ZPLD1: variants seen among roughly 807,000 people sequenced by gnomAD.
ZPLD1 encodes zona pellucida like domain containing 1, also known as zona pellucida-like domain-containing protein 1.
In ZPLD1, 34 loss-of-function variants were observed where a neutral mutation model predicts 47.2. That is an observed-to-expected ratio of 0.72 (90% CI 0.55 to 0.96). The LOEUF (loss-of-function observed/expected upper bound fraction) is 0.96, where lower values mean the gene tolerates loss of function less well. Among genes scored for constraint, ZPLD1 ranks in the 40% least tolerant of loss-of-function variants. The probability of loss-of-function intolerance (pLI) is 0.00; values close to 1 mark genes in which losing one functional copy is unlikely to be tolerated. For synonymous variants in ZPLD1, 176 were observed against 186.2 expected, an observed-to-expected ratio of 0.95 and a Z score of 0.45; for missense variants, 512 against 505.8, an observed-to-expected ratio of 1.01 and a Z score of -0.12.
upstream of ZPLD1, among the ~76,000 whole-genome samples, chr3:102,431,384 G>GT (rs1707014019): frequency 1.3e-5 from 2 of 151,936 alleles, no homozygotes; most frequent in African/African-American, 4.8e-5. Flanking sequence ...TACATGGTGT[G>GT]TTTTTTTCTT....
intron 8 of ZPLD1, among the ~76,000 whole-genome samples, chr3:102,423,864 C>T (rs1412277777): frequency 6.6e-6 from 1 of 152,150 alleles, no homozygotes; most frequent in African/African-American, 2.4e-5. Flanking sequence ...AGCGTGCTAG[C>T]CATGGAAAGG....
intron 8 of ZPLD1, among the ~76,000 whole-genome samples, chr3:102,426,920 C>A (rs918444058): frequency 1.4e-4 from 21 of 152,062 alleles, no homozygotes; most frequent in African/African-American, 4.6e-4. Flanking sequence ...TTACTTATGG[C>A]AATAATGCAA....
At chr3:102,477,136 A>C in intron 11 of ZPLD1, 95 bp downstream of exon 11, 1 of 1,404,862 alleles carries the variant, frequency 7.1e-7, no homozygotes, top group African/African-American at 1.4e-5. Flanking sequence ...TGAGTTTTCC[A>C]AGTTTGGTCC....
intron 10 of ZPLD1, among the ~76,000 whole-genome samples, chr3:102,475,671 T>C (rs1195625928): frequency 6.6e-6 from 1 of 152,114 alleles, no homozygotes; most frequent in African/African-American, 2.4e-5. Flanking sequence ...TTTCTGAATG[T>C]TGTATAATAA....
rs200422013 is a variant in ZPLD1 at position 102,468,721 on chromosome 3, G to T, written c.762-243G>T. ...AATTATTTGGATTTTTGAACTACAT[G>T]AAAGTATAATTCTTCTAACTATTAA... On this transcript the variant is annotated intron_variant, in intron 8 of 11. Coordinates refer to ENST00000466937, the MANE Select transcript of ZPLD1 (RefSeq NM_001329788.2). Among the ~76,000 whole-genome samples, 19 of 152,196 alleles carry T rather than the reference G, an allele frequency of 1.2e-4. No individual in the cohort carries two copies. In the East Asian group the frequency reaches 3.7e-3, roughly 29 times the overall value.
At position 102,477,521 on chromosome 3, in the gene ZPLD1, C is replaced by T. The variant is rs201532080; in HGVS notation, c.1151C>T (p.Thr384Met). The change falls in exon 12 of 12, where the codon ACG (threonine) becomes ATG (methionine). Residue 384 changes from threonine to methionine, a missense_variant. Thr to Met is a moderately conservative substitution (Grantham distance 81, BLOSUM62 -1). Coordinates refer to ENST00000466937, the MANE Select transcript of ZPLD1 (RefSeq NM_001329788.2). The stretch of plus-strand genomic sequence containing the variant: ...TCAGGAATGGTCATTCTGGGAGTTA[C>T]GAGCTTTTCTCTTCTTCTGTGCTCA... Reference protein sequence around the residue: ...LISGMVILGVTSFSLLLCSLA... With the variant: ...LISGMVILGVMSFSLLLCSLA... 1.7e-5 allele frequency: 28 copies of T among 1,613,774 alleles called. No homozygotes were observed. Among genetic ancestry groups the T allele is most frequent in the South Asian group, 8.8e-5 (8 of 91,074 alleles).
intron 7 of ZPLD1, among the ~76,000 whole-genome samples, chr3:102,463,327 T>G (rs1372820172): frequency 6.6e-6 from 1 of 152,210 alleles, no homozygotes; most frequent in Non-Finnish European, 1.5e-5. Flanking sequence ...TCTAAACTCC[T>G]TTGTTGTATT....
At chr3:102,430,904 A>T (rs1380670507), upstream of ZPLD1, among the ~76,000 whole-genome samples, 1 of 152,220 alleles carries the variant, frequency 6.6e-6, no homozygotes, top group African/African-American at 2.4e-5. Flanking sequence ...TTTTATTATT[A>T]ATTTGTTATG....
chr3:102,417,718 A>G (rs1166753290), intron 7 of ZPLD1, among the ~76,000 whole-genome samples: 1 of 151,926 alleles, frequency 6.6e-6, no homozygotes, highest in African/African-American at 2.4e-5. Context: ...ACAACAGGAC[A>G]TTGATAACTG....
At chr3:102,453,668 G>A (rs1017175961) in intron 4 of ZPLD1, among the ~76,000 whole-genome samples, 3 of 152,156 alleles carry the variant, frequency 2.0e-5, no homozygotes, top group African/African-American at 7.2e-5. Flanking sequence ...AAATGTGTGG[G>A]ATTGTCCTTT....
At chr3:102,393,022 A>G (rs1706514740) in intron 7 of ZPLD1, among the ~76,000 whole-genome samples, 1 of 152,148 alleles carries the variant, frequency 6.6e-6, no homozygotes, top group Non-Finnish European at 1.5e-5. Context: ...CTTCAAACAC[A>G]TGTATCTGGT....
intron 7 of ZPLD1, among the ~76,000 whole-genome samples, chr3:102,410,254 C>T (rs1233434833): frequency 1.3e-5 from 2 of 151,650 alleles, no homozygotes; most frequent in Admixed American, 1.3e-4. Flanking sequence ...GCACTCCCAC[C>T]CTGAGGACAT....
At chr3:102,448,126 C>T (rs1576153653) in intron 3 of ZPLD1, among the ~76,000 whole-genome samples, 1 of 152,114 alleles carries the variant, frequency 6.6e-6, no homozygotes, top group African/African-American at 2.4e-5. Flanking sequence ...GTTGAATATT[C>T]AATTATTGTT....
rs139403719 is a variant in ZPLD1 at position 102,438,128 on chromosome 3, T to C, written c.-8-352T>C. Reference sequence around the variant, plus strand: ...AAAAGTAGACTCATCTCCAAATTAGTCTGCCTAGTTATGCTATTCCAATCT... The same window carrying C: ...AAAAGTAGACTCATCTCCAAATTAGCCTGCCTAGTTATGCTATTCCAATCT... On this transcript the variant is annotated intron_variant, in intron 2 of 11. Transcript: ENST00000466937. Among the ~76,000 whole-genome samples the C allele has an allele frequency of 2.1e-3, 325 of 152,336 alleles. 1 individual carries two copies. The highest frequency in any genetic ancestry group is 7.3e-3 in the African/African-American group (303 of 41,582).
At chr3:102,447,231 A>G (rs887718690) in intron 3 of ZPLD1, among the ~76,000 whole-genome samples, 7 of 151,864 alleles carry the variant, frequency 4.6e-5, no homozygotes, top group Non-Finnish European at 5.9e-5. Context: ...ACACCTGGCT[A>G]ATTTTTGTAT....
rs745543084 is a variant in ZPLD1 at position 102,477,496 on chromosome 3, T to C, written c.1126T>C (p.Ser376Pro). The C allele has an allele frequency of 6.2e-7, 1 of 1,613,858 alleles. No homozygotes were observed. The change falls in exon 12 of 12, where the codon TCA (serine) becomes CCA (proline). Residue 376 changes from serine (S) to proline (P), a missense_variant. By Grantham distance (74) the Ser-to-Pro change is moderately conservative. Transcript: ENST00000466937. ...GAACGCCATCACCAGCGCACTGATA[T>C]CAGGAATGGTCATTCTGGGAGTTAC... ...QLNAITSALI[S>P]GMVILGVTSF... is the part of the protein sequence containing the mutation.
intron 7 of ZPLD1, among the ~76,000 whole-genome samples, chr3:102,410,466 C>CA (rs926910257): frequency 1.8e-4 from 27 of 151,508 alleles, no homozygotes; most frequent in Non-Finnish European, 3.4e-4. Flanking sequence ...GTGCTGTTTT[C>CA]AAAAAAACAT....
chr3:102,390,427 T>C (rs1032068947), intron 6 of ZPLD1, among the ~76,000 whole-genome samples: 1 of 152,194 alleles, frequency 6.6e-6, no homozygotes, highest in Admixed American at 6.5e-5. Context: ...TACTGAGAAA[T>C]AGGGCATATG....
At chr3:102,425,579 C>T (rs1258681653) in intron 8 of ZPLD1, among the ~76,000 whole-genome samples, 2 of 152,088 alleles carry the variant, frequency 1.3e-5, no homozygotes, top group African/African-American at 4.8e-5. Flanking sequence ...CTGTGGCTCA[C>T]AGCTATTTCT....
Sources: allele counts gnomAD v4.1 joint callset (sites outside exome capture counted in the v4.1 genomes callset), GRCh38; gene constraint gnomAD v4.1.1; transcripts MANE v1.5; gene names NCBI Gene and HGNC (gene_info 2026-07-23, HGNC 2026-07-21).